The following KRTAP10-6 variants were observed in gnomAD, a reference collection of about 807,000 sequenced individuals.
KRTAP10-6 encodes the protein keratin-associated protein 10-6.
A neutral mutation model predicts 0.5 loss-of-function variants in KRTAP10-6; 1 was observed. The observed-to-expected ratio is 1.92, with a 90% CI of 0.68 to 9.09. The LOEUF (loss-of-function observed/expected upper bound fraction) is 9.09, where lower values mean the gene tolerates loss of function less well. KRTAP10-6 is among the 30% of genes most tolerant of loss of function. The probability of loss-of-function intolerance (pLI) is 0.13; values close to 1 mark genes in which losing one functional copy is unlikely to be tolerated. For missense variants in KRTAP10-6, 337 were observed against 464.2 expected (o/e 0.73, Z 2.52); for synonymous variants, 136 against 196.5 (o/e 0.69, Z 2.58).
In KRTAP10-6 at chr21:44,591,430, G is replaced by A. The variant is rs587716684; in HGVS notation, c.1055C>T (p.Pro352Leu). 2.7e-4 allele frequency: 441 copies of A among 1,613,532 alleles called. 1 individual carries two copies. The East Asian group carries it at 7.7e-3, about 28-fold the overall frequency. ...GCCAGAGCAGAGGCTGTAGCAGGCA[G>A]GGCGGGAGCACATGGGGCGGCAGAG... is the stretch of plus-strand genomic sequence containing the variant. ...SLLCRPMCSR[P>L]ACYSLCSGQK... Residue 352 changes from proline (P) to leucine (L), a missense_variant, in exon 1 of 1, where the codon CCT becomes CTT. By Grantham distance (98) the Pro-to-Leu change is moderately conservative. This residue lies in a region of KRTAP10-6 where 218 missense variants were observed against 225.3 expected (regional missense o/e 0.97). Coordinates refer to ENST00000400368, the MANE Select transcript of KRTAP10-6 (RefSeq NM_198688.3).
In KRTAP10-6 at chr21:44,591,653, C is replaced by T; in HGVS notation, c.832G>A (p.Ala278Thr). The T allele has an allele frequency of 1.9e-6, 3 of 1,612,460 alleles. No homozygotes were observed. The highest frequency in any genetic ancestry group is 2.5e-6 in the Non-Finnish European group (3 of 1,179,110). The part of the protein sequence containing the change: ...HACCVPVCSG[A>T]STSCCQQSSC... ...GACTGCTGGCAGCATGATGTGGAAGCCCCAGAGCAGACGGGCACACAGCAG... is the reference window on the plus strand; with the variant it reads ...GACTGCTGGCAGCATGATGTGGAAGTCCCAGAGCAGACGGGCACACAGCAG... Residue 278 changes from alanine (A) to threonine (T), a missense_variant, in exon 1 of 1, where the codon GCT becomes ACT. Transcript: ENST00000400368.
rs782125675 is a variant in KRTAP10-6, at chr21:44,591,353, G to T, written c.*34C>A. ...TGGGGCAGCTGGGAGGTCAGCCCCT[G>T]GTGGGAAGGGACTCCGGATCACATC... On this transcript the variant is annotated 3_prime_UTR_variant, in exon 1 of 1. Coordinates refer to ENST00000400368, the MANE Select transcript of KRTAP10-6 (RefSeq NM_198688.3). 8.3e-6 allele frequency: 13 copies of T among 1,570,826 alleles called. No homozygotes were observed. Among genetic ancestry groups the T allele is most frequent in the South Asian group, 1.2e-5 (1 of 83,320 alleles).
In KRTAP10-6 at chr21:44,591,737, A is replaced by T. The variant is rs1979873997; in HGVS notation, c.748T>A (p.Cys250Ser). Reference sequence around the variant, plus strand: ...GGCTGGCAGCTAGACTGCTGGCAGCATGAAGAGGAATCCTCAGAGCAGGTG... The same window carrying T: ...GGCTGGCAGCTAGACTGCTGGCAGCTTGAAGAGGAATCCTCAGAGCAGGTG... ...VPTCSEDSSS[C>S]CQQSSCQPAC... Residue 250 changes from cysteine (C) to serine (S), a missense_variant, in exon 1 of 1, where the codon TGC becomes AGC. Physicochemically the swap from Cys to Ser is moderately radical, Grantham distance 112. Transcript: ENST00000400368. 1 of 1,596,106 alleles carries T rather than the reference A, an allele frequency of 6.3e-7. No individual in the cohort carries two copies. The highest frequency in any genetic ancestry group is 1.7e-5 in the Admixed American group (1 of 58,680).
chr21:44,591,837 T>C lies in KRTAP10-6; in HGVS notation c.648A>G (p.Pro216=), dbSNP rs587693578. 9,051 of 1,586,306 alleles carry C rather than the reference T, an allele frequency of 5.7e-3. 981 individuals are homozygous for C. The African/African-American group carries it at 0.12, about 22-fold the overall frequency. ...PSCCQQSSCQ[P]TCCTSSPCQQ... is the part of the protein sequence containing the mutation. ...GGCAGGGGGAGGAGGTGCAGCAAGT[T>C]GGCTGGCAGCTAGACTGCTGGCAGC... is the stretch of plus-strand genomic sequence containing the variant. The change falls in exon 1 of 1, where the codon CCA becomes CCG. Residue 216 remains proline (P), a synonymous_variant. Transcript: ENST00000400368.
chr21:44,592,480 G>A lies in KRTAP10-6; in HGVS notation c.5C>T (p.Ala2Val). The change falls in exon 1 of 1, where the codon GCC (alanine) becomes GTC (valine). Residue 2 changes from alanine to valine, a missense_variant. By Grantham distance (64) the Ala-to-Val change is moderately conservative. Transcript: ENST00000400368. M[A>V]ASTMSVCSSD... is the part of the protein sequence containing the mutation. ...GGAGCAGACGGACATGGTGGACGCG[G>A]CCATGCTGGGGTTGAACTGGTGGAG... The A allele has an allele frequency of 6.2e-7, 1 of 1,608,338 alleles. No individual in the cohort carries two copies. Among genetic ancestry groups the A allele is most frequent in the Non-Finnish European group, 8.5e-7 (1 of 1,176,890 alleles).
Position 44,591,779 on chromosome 21 carries a change from G to A in KRTAP10-6, c.706C>T (p.Pro236Ser). Reference sequence around the variant, plus strand: ...GAGCAGGTGGGCACACAGCACACAGGCACGCAGCAGACGGGCACGCAGCAG... The same window carrying A: ...GAGCAGGTGGGCACACAGCACACAGACACGCAGCAGACGGGCACGCAGCAG... The part of the protein sequence containing the change: ...QACCVPVCCV[P>S]VCCVPTCSED... The change falls in exon 1 of 1, where the codon CCT becomes TCT. Residue 236 changes from proline to serine, a missense_variant. Around this residue, in one of 3 missense-constraint regions of KRTAP10-6, gnomAD observed 218 missense variants for 225.3 expected, o/e 0.97. Coordinates refer to ENST00000400368, the MANE Select transcript of KRTAP10-6 (RefSeq NM_198688.3). 1 of 1,584,664 alleles carries A rather than the reference G, an allele frequency of 6.3e-7. No individual in the cohort carries two copies. The highest frequency in any genetic ancestry group is 8.6e-7 in the Non-Finnish European group (1 of 1,167,488).
rs1979849838 is a variant in KRTAP10-6, at chr21:44,591,604, G to A, written c.881C>T (p.Thr294Ile). 3 of 1,613,534 alleles carry A rather than the reference G, an allele frequency of 1.9e-6. No homozygotes were observed. The highest frequency in any genetic ancestry group is 1.7e-5 in the Admixed American group (1 of 59,912). ...GGAGGAGGATCTGCAGCAGGAGGCG[G>A]TGCAGCAAGCCGGCTGGCAGCTAGA... is the stretch of plus-strand genomic sequence containing the variant. The part of the protein sequence containing the change: ...QQSSCQPACC[T>I]ASCCRSSSSV... The change falls in exon 1 of 1, where the codon ACC (threonine) becomes ATC (isoleucine). Residue 294 changes from threonine to isoleucine, a missense_variant. Transcript: ENST00000400368.
chr21:44,592,476 C>G lies in KRTAP10-6; in HGVS notation c.9G>C (p.Ala3=). 6 of 1,609,738 alleles carry G rather than the reference C, an allele frequency of 3.7e-6. No homozygotes were observed. The highest frequency in any genetic ancestry group is 5.1e-6 in the Non-Finnish European group (6 of 1,177,600). ...CGCTGGAGCAGACGGACATGGTGGA[C>G]GCGGCCATGCTGGGGTTGAACTGGT... MA[A]STMSVCSSDL... The change falls in exon 1 of 1, where the codon GCG becomes GCC. Residue 3 remains alanine, a synonymous_variant. Transcript: ENST00000400368.
chr21:44,591,714 C>T lies in KRTAP10-6; in HGVS notation c.771G>A (p.Gln257=), dbSNP rs782092873. The part of the protein sequence containing the change: ...SSSCCQQSSC[Q]PACCTSSPCQ... Reference sequence around the variant, plus strand: ...AGGGGGAGGAGGTGCAGCAAGCTGGCTGGCAGCTAGACTGCTGGCAGCATG... The same window carrying T: ...AGGGGGAGGAGGTGCAGCAAGCTGGTTGGCAGCTAGACTGCTGGCAGCATG... Residue 257 remains glutamine (Q), a synonymous_variant, in exon 1 of 1, where the codon CAG becomes CAA. Coordinates refer to ENST00000400368, the MANE Select transcript of KRTAP10-6 (RefSeq NM_198688.3). 1 of 1,596,538 alleles carries T rather than the reference C, an allele frequency of 6.3e-7. No homozygotes were observed. Among genetic ancestry groups the T allele is most frequent in the East Asian group, 2.3e-5 (1 of 43,444 alleles).
chr21:44,591,864 T>TGAAGAATCCCCACAGCA, the KRTAP10-6 span: 1 of 1,568,968 alleles, frequency 6.4e-7, no homozygotes, highest in African/African-American at 1.6e-5. Flanking sequence ...GCTGGCAGCA[T>TGAAGAATCCCCACAGCA]GAGGGTGTGC....
rs58757665 is a variant in KRTAP10-6, at chr21:44,591,806, C to T, written c.679G>A (p.Ala227Thr). 0.042 allele frequency: 67,516 copies of T among 1,605,152 alleles called. 3,196 individuals carry two copies. Among genetic ancestry groups the T allele is most frequent in the African/African-American group, 0.19 (13,188 of 71,018 alleles). Residue 227 changes from alanine (A) to threonine (T), a missense_variant, in exon 1 of 1, where the codon GCC becomes ACC. Physicochemically the swap from Ala to Thr is moderately conservative, Grantham distance 58 (BLOSUM62 0). Around this residue, in one of 3 missense-constraint regions of KRTAP10-6, gnomAD observed 218 missense variants for 225.3 expected, o/e 0.97. Transcript: ENST00000400368. ...ACGCAGCAGACGGGCACGCAGCAGGCCTGCTGGCAGGGGGAGGAGGTGCAG... is the reference window on the plus strand; with the variant it reads ...ACGCAGCAGACGGGCACGCAGCAGGTCTGCTGGCAGGGGGAGGAGGTGCAG... Reference protein sequence around the residue: ...TCCTSSPCQQACCVPVCCVPV... With the variant: ...TCCTSSPCQQTCCVPVCCVPV...
rs1979860087 is a variant in KRTAP10-6, at chr21:44,591,668, G to A, written c.817C>T (p.Pro273Ser). 4.4e-6 allele frequency: 7 copies of A among 1,585,934 alleles called. No homozygotes were observed. Among genetic ancestry groups the A allele is most frequent in the Non-Finnish European group, 6.0e-6 (7 of 1,160,220 alleles). The change falls in exon 1 of 1, where the codon CCC becomes TCC. Residue 273 changes from proline (P) to serine (S), a missense_variant. Physicochemically the swap from Pro to Ser is moderately conservative, Grantham distance 74 (BLOSUM62 -1). Around this residue, in one of 3 missense-constraint regions of KRTAP10-6, gnomAD observed 218 missense variants for 225.3 expected, o/e 0.97. Transcript: ENST00000400368. ...SSPCQHACCV[P>S]VCSGASTSCC... ...GATGTGGAAGCCCCAGAGCAGACGGGCACACAGCAGGCGTGCTGGCAGGGG... is the reference window on the plus strand; with the variant it reads ...GATGTGGAAGCCCCAGAGCAGACGGACACACAGCAGGCGTGCTGGCAGGGG...
Position 44,592,472 on chromosome 21 carries a change from T to C in KRTAP10-6, c.13A>G (p.Thr5Ala). The change falls in exon 1 of 1, where the codon ACC (threonine) becomes GCC (alanine). Residue 5 changes from threonine to alanine, a missense_variant. Around this residue, in one of 3 missense-constraint regions of KRTAP10-6, gnomAD observed 32 missense variants for 30.6 expected, o/e 1.04. Coordinates refer to ENST00000400368, the MANE Select transcript of KRTAP10-6 (RefSeq NM_198688.3). ...AGGTCGCTGGAGCAGACGGACATGG[T>C]GGACGCGGCCATGCTGGGGTTGAAC... MAAS[T>A]MSVCSSDLSY... is the part of the protein sequence containing the mutation. 1 of 1,610,702 alleles carries C rather than the reference T, an allele frequency of 6.2e-7. No individual in the cohort carries two copies.
At position 44,591,484 on chromosome 21, in the gene KRTAP10-6, C is replaced by T; in HGVS notation, c.1001G>A (p.Cys334Tyr). 5 of 1,614,050 alleles carry T rather than the reference C, an allele frequency of 3.1e-6. No individual in the cohort carries two copies. The highest frequency in any genetic ancestry group is 3.3e-5 in the Admixed American group (2 of 60,032). ...GGAAACACAGGAGGCCGTGCGGCAG[C>T]AGCTGGGCTGGCAGGAGGAGGCAGA... ...GASASSCQPS[C>Y]CRTASCVSLL... The change falls in exon 1 of 1, where the codon TGC becomes TAC. Residue 334 changes from cysteine to tyrosine, a missense_variant. By Grantham distance (194) the Cys-to-Tyr change is radical (BLOSUM62 -2). Around this residue, in one of 3 missense-constraint regions of KRTAP10-6, gnomAD observed 218 missense variants for 225.3 expected, o/e 0.97. Transcript: ENST00000400368.
rs587720065 is a variant in KRTAP10-6, at chr21:44,591,474, C to T, written c.1011G>A (p.Thr337=). 1.4e-5 allele frequency: 22 copies of T among 1,613,982 alleles called. No individual in the cohort carries two copies. Among genetic ancestry groups the T allele is most frequent in the Middle Eastern group, 1.7e-4 (1 of 6,048 alleles). The change falls in exon 1 of 1, where the codon ACG becomes ACA. Residue 337 remains threonine (T), a synonymous_variant. Transcript: ENST00000400368. The stretch of plus-strand genomic sequence containing the variant: ...GGCAGAGGAGGGAAACACAGGAGGC[C>T]GTGCGGCAGCAGCTGGGCTGGCAGG... ...ASSCQPSCCR[T]ASCVSLLCRP... is the part of the protein sequence containing the mutation.
rs1555926675 is a variant in KRTAP10-6, at chr21:44,591,846, G to A, written c.639C>T (p.Ser213=). The A allele has an allele frequency of 6.2e-7, 1 of 1,608,204 alleles. No homozygotes were observed. Among genetic ancestry groups the A allele is most frequent in the South Asian group, 1.1e-5 (1 of 90,594 alleles). ...AGGAGGTGCAGCAAGTTGGCTGGCAGCTAGACTGCTGGCAGCATGAGGGTG... is the reference window on the plus strand; with the variant it reads ...AGGAGGTGCAGCAAGTTGGCTGGCAACTAGACTGCTGGCAGCATGAGGGTG... ...SCTPSCCQQS[S]CQPTCCTSSP... is the part of the protein sequence containing the mutation. The change falls in exon 1 of 1, where the codon AGC becomes AGT. Residue 213 remains serine (S), a synonymous_variant. Transcript: ENST00000400368.
chr21:44,591,372 T>C lies in KRTAP10-6; in HGVS notation c.*15A>G, dbSNP rs1979811955. ...GCCCCTGGTGGGAAGGGACTCCGGA[T>C]CACATCCAGGGCTGTCAGCAGCTGG... On this transcript the variant is annotated 3_prime_UTR_variant, in exon 1 of 1. Coordinates refer to ENST00000400368, the MANE Select transcript of KRTAP10-6 (RefSeq NM_198688.3). 1 of 1,586,914 alleles carries C rather than the reference T, an allele frequency of 6.3e-7. No homozygotes were observed. Among genetic ancestry groups the C allele is most frequent in the Non-Finnish European group, 8.6e-7 (1 of 1,164,002 alleles).
rs781799799 is a variant in KRTAP10-6, at chr21:44,591,397, G to A, written c.1088C>T (p.Ser363Phe). ...ACYSLCSGQKSSC is the reference protein window; with the variant it reads ...ACYSLCSGQKFSC Reference sequence around the variant, plus strand: ...TCACATCCAGGGCTGTCAGCAGCTGGACTTCTGGCCAGAGCAGAGGCTGTA... The same window carrying A: ...TCACATCCAGGGCTGTCAGCAGCTGAACTTCTGGCCAGAGCAGAGGCTGTA... The change falls in exon 1 of 1, where the codon TCC becomes TTC. Residue 363 changes from serine to phenylalanine, a missense_variant. Physicochemically the swap from Ser to Phe is radical, Grantham distance 155 (BLOSUM62 -2). Around this residue, in one of 3 missense-constraint regions of KRTAP10-6, gnomAD observed 218 missense variants for 225.3 expected, o/e 0.97. Transcript: ENST00000400368. The A allele has an allele frequency of 3.1e-6, 5 of 1,606,488 alleles. No homozygotes were observed. In the South Asian group the frequency reaches 3.3e-5, roughly 11 times the overall value.
the KRTAP10-6 span, chr21:44,592,017 A>T: frequency 4.5e-6 from 7 of 1,568,946 alleles, no homozygotes; most frequent in African/African-American, 1.1e-4. Context: ...AGACGGGCAC[A>T]CAGCAGGCCT....
Sources: gnomAD v4.1 joint callset for allele counts on GRCh38, gnomAD v4.1.1 for gene constraint, gnomAD v4.1.1 regional missense constraint, MANE v1.5 for transcripts, NCBI Gene and HGNC (gene_info 2026-07-23, HGNC 2026-07-21) for gene names.